The following TNFSF4 variants were observed in gnomAD, a reference collection of about 807,000 sequenced individuals.
TNFSF4 encodes TNF superfamily member 4.
In TNFSF4, 4 loss-of-function variants were observed where a neutral mutation model predicts 7.3. The ratio of observed to expected loss-of-function variants is 0.55; its 90% CI spans 0.27 to 1.25. TNFSF4 has a LOEUF of 1.25. TNFSF4 is among the 50% of genes most tolerant of loss of function. The pLI is 0.12. For synonymous variants in TNFSF4, 76 were observed against 83.7 expected (o/e 0.91, Z 0.50); for missense variants, 181 against 208.8 (o/e 0.87, Z 0.82).
At chr1:173,419,343 G>GAA in the TNFSF4 span, among the ~76,000 whole-genome samples, 32 of 115,818 alleles carry the variant, frequency 2.8e-4, no homozygotes, top group African/African-American at 7.1e-4. Context: ...CTCCGTCTCA[G>GAA]AAAAAAAAAA....
the TNFSF4 span, among the ~76,000 whole-genome samples, chr1:173,442,531 G>A: frequency 2.0e-5 from 3 of 147,298 alleles, no homozygotes; most frequent in Admixed American, 1.4e-4. Context: ...TTCGGTTTTT[G>A]GTTTTTCGTT....
the TNFSF4 span, among the ~76,000 whole-genome samples, chr1:173,425,327 G>C: frequency 6.6e-6 from 1 of 152,148 alleles, no homozygotes; most frequent in Non-Finnish European, 1.5e-5. Context: ...GGAAAAACAA[G>C]CTATGGAGAC....
At chr1:173,339,130 G>A in the TNFSF4 span, among the ~76,000 whole-genome samples, 35 of 152,114 alleles carry the variant, frequency 2.3e-4, no homozygotes, top group Admixed American at 6.6e-4. Context: ...AGTGGCTCAC[G>A]CTTGTAATCC....
the TNFSF4 span, among the ~76,000 whole-genome samples, chr1:173,332,538 A>AT: frequency 1.3e-5 from 2 of 150,808 alleles, no homozygotes; most frequent in Non-Finnish European, 3.0e-5. Context: ...CTCAAAATAA[A>AT]TAAATTAATT....
the TNFSF4 span, among the ~76,000 whole-genome samples, chr1:173,236,128 G>A: frequency 1.3e-5 from 2 of 152,016 alleles, no homozygotes; most frequent in Non-Finnish European, 2.9e-5. Flanking sequence ...AGCCATGAGA[G>A]TCAATAATCT....
the TNFSF4 span, among the ~76,000 whole-genome samples, chr1:173,245,867 C>T: frequency 6.6e-6 from 1 of 152,132 alleles, no homozygotes; most frequent in South Asian, 2.1e-4. Flanking sequence ...CTGGTTTATT[C>T]CACTTAACAT....
the TNFSF4 span, among the ~76,000 whole-genome samples, chr1:173,253,504 A>G: frequency 1.3e-5 from 2 of 152,216 alleles, no homozygotes; most frequent in African/African-American, 4.8e-5. Context: ...TGAAGAAGAC[A>G]TAGGCCTTGC....
chr1:173,397,756 C>T, the TNFSF4 span, among the ~76,000 whole-genome samples: 1 of 152,268 alleles, frequency 6.6e-6, no homozygotes, highest in Non-Finnish European at 1.5e-5. Flanking sequence ...CCCAGGTTTA[C>T]TACCTAGGAA....
At chr1:173,402,155 C>T in the TNFSF4 span, among the ~76,000 whole-genome samples, 1 of 152,142 alleles carries the variant, frequency 6.6e-6, no homozygotes, top group African/African-American at 2.4e-5. Context: ...TATTCTTTTA[C>T]CCTAGGTCAA....
the TNFSF4 span, among the ~76,000 whole-genome samples, chr1:173,289,360 T>C: frequency 6.6e-6 from 1 of 152,098 alleles, no homozygotes; most frequent in South Asian, 2.1e-4. Flanking sequence ...ATGAATGCTA[T>C]CTTGAAATTT....
At chr1:173,358,514 A>G in the TNFSF4 span, among the ~76,000 whole-genome samples, 311 of 152,368 alleles carry the variant, frequency 2.0e-3, 2 homozygotes, top group South Asian at 0.015. Context: ...GGAAGTAACT[A>G]TAAAGCTTAA....
chr1:173,381,231 C>T, the TNFSF4 span, among the ~76,000 whole-genome samples: 1 of 152,168 alleles, frequency 6.6e-6, no homozygotes, highest in Admixed American at 6.5e-5. Flanking sequence ...ACTCCAAAAC[C>T]GCCGAGGCCT....
At chr1:173,364,396 TATATATACACACACAC>T in the TNFSF4 span, among the ~76,000 whole-genome samples, 7 of 149,000 alleles carry the variant, frequency 4.7e-5, no homozygotes, top group African/African-American at 1.7e-4. Flanking sequence ...TATATATATA[TATATATACACACACAC>T]ATATATATAC....
chr1:173,442,555 T>TG, the TNFSF4 span, among the ~76,000 whole-genome samples: 2 of 141,132 alleles, frequency 1.4e-5, no homozygotes, highest in Admixed American at 1.4e-4. Flanking sequence ...GTTTTTGTTT[T>TG]TTTTTTTTTT....
the TNFSF4 span, among the ~76,000 whole-genome samples, chr1:173,304,072 T>A: frequency 0.022 from 3,354 of 152,050 alleles, 120 homozygotes; most frequent in African/African-American, 0.077. Flanking sequence ...GTGAAAACAG[T>A]TATTTCTTTC....
chr1:173,260,618 AT>A, the TNFSF4 span, among the ~76,000 whole-genome samples: 1 of 152,234 alleles, frequency 6.6e-6, no homozygotes, highest in Admixed American at 6.5e-5. Context: ...AAAGACACAC[AT>A]AGAATCAAAA....
chr1:173,357,515 T>C, the TNFSF4 span, among the ~76,000 whole-genome samples: 1 of 151,686 alleles, frequency 6.6e-6, no homozygotes, highest in South Asian at 2.1e-4. Flanking sequence ...TGGGAGTTCC[T>C]GTTGTGCTAA....
chr1:173,287,266 T>C, the TNFSF4 span, among the ~76,000 whole-genome samples: 2,817 of 152,274 alleles, frequency 0.018, 79 homozygotes, highest in African/African-American at 0.064. Context: ...ACCCAGGAGT[T>C]TGAGGCTGCA....
At chr1:173,253,097 A>C in the TNFSF4 span, among the ~76,000 whole-genome samples, 1 of 152,178 alleles carries the variant, frequency 6.6e-6, no homozygotes. Context: ...AATTTTGGTC[A>C]ATGTCTTGCT....
Sources: gnomAD v4.1 joint callset for allele counts (sites outside exome capture counted in the v4.1 genomes callset) on GRCh38, gnomAD v4.1.1 for gene constraint, MANE v1.5 for transcripts, NCBI Gene and HGNC (gene_info 2026-07-23, HGNC 2026-07-21) for gene names.